Variants in HMG20A observed in about 807,000 individuals in gnomAD.
HMG20A encodes high mobility group protein 20A.
Under a neutral mutation model 43.9 loss-of-function variants are expected in HMG20A, and 17 were observed. The ratio of observed to expected loss-of-function variants is 0.39; its 90% CI spans 0.27 to 0.58. HMG20A has a LOEUF of 0.58. Ranked by LOEUF, HMG20A falls within the 20% of genes least tolerant of loss-of-function variation. The probability of loss-of-function intolerance (pLI) is 0.59; values close to 1 mark genes in which losing one functional copy is unlikely to be tolerated. For missense variants in HMG20A, 341 were observed against 438.2 expected, an observed-to-expected ratio of 0.78 and a Z score of 1.98; for synonymous variants, 132 against 147.5, an observed-to-expected ratio of 0.89 and a Z score of 0.76.
the HMG20A span, among the ~76,000 whole-genome samples, chr15:77,498,261 G>T: frequency 6.6e-6 from 1 of 152,176 alleles, no homozygotes; most frequent in East Asian, 1.9e-4. Context: ...TTCTCCCTGC[G>T]CTGGATTTTT....
intron 4 of HMG20A, among the ~76,000 whole-genome samples, chr15:77,468,939 T>G (rs1038159093): frequency 2.0e-5 from 3 of 152,166 alleles, no homozygotes; most frequent in African/African-American, 7.2e-5. Context: ...ATAATCTTTC[T>G]TTTTCTTTTA....
At chr15:77,463,394 G>A (rs1383318095) in intron 2 of HMG20A, among the ~76,000 whole-genome samples, 1 of 152,064 alleles carries the variant, frequency 6.6e-6, no homozygotes, top group African/African-American at 2.4e-5. Flanking sequence ...TATGGGTTGT[G>A]CATTCTTTCA....
chr15:77,437,547 C>T (rs2073562391), intron 1 of HMG20A, among the ~76,000 whole-genome samples: 1 of 152,084 alleles, frequency 6.6e-6, no homozygotes, highest in South Asian at 2.1e-4. Flanking sequence ...GAGGAATACA[C>T]CTACCCACAT....
intron 1 of HMG20A, among the ~76,000 whole-genome samples, chr15:77,443,917 C>G (rs1184485394): frequency 6.6e-6 from 1 of 151,986 alleles, no homozygotes; most frequent in African/African-American, 2.4e-5. Context: ...CGCCATGTTG[C>G]CCCGGCTGGT....
At chr15:77,421,508 G>T (rs1318222526) in intron 1 of HMG20A, among the ~76,000 whole-genome samples, 1 of 152,212 alleles carries the variant, frequency 6.6e-6, no homozygotes, top group Non-Finnish European at 1.5e-5. Context: ...TGTGACTGAT[G>T]AATTGCCAAC....
chr15:77,429,261 A>G (rs900310416), intron 1 of HMG20A, among the ~76,000 whole-genome samples: 3 of 151,956 alleles, frequency 2.0e-5, no homozygotes, highest in Non-Finnish European at 4.4e-5. Context: ...TCTGTCTCCC[A>G]GGCTGGAGTG....
chr15:77,461,730 G>T (rs1225424916), intron 2 of HMG20A, among the ~76,000 whole-genome samples: 1 of 152,072 alleles, frequency 6.6e-6, no homozygotes, highest in Admixed American at 6.6e-5. Context: ...TGAAGTCAGG[G>T]ATTCATAGGA....
intron 4 of HMG20A, among the ~76,000 whole-genome samples, chr15:77,467,894 A>T (rs2072771154): frequency 6.6e-6 from 1 of 152,238 alleles, no homozygotes; most frequent in Non-Finnish European, 1.5e-5. Flanking sequence ...GAGCTGGTTG[A>T]AGTACCACTA....
At chr15:77,490,572 C>G (rs896465076), downstream of HMG20A, among the ~76,000 whole-genome samples, 1 of 152,132 alleles carries the variant, frequency 6.6e-6, no homozygotes. Context: ...CGTGTAATCC[C>G]AGTACTTTGG....
At chr15:77,462,301 G>A (rs1171774010) in intron 2 of HMG20A, among the ~76,000 whole-genome samples, 3 of 151,978 alleles carry the variant, frequency 2.0e-5, no homozygotes, top group South Asian at 2.1e-4. Context: ...CTCTGCAATC[G>A]TCTTCTCTCC....
At chr15:77,505,195 C>G in the HMG20A span, among the ~76,000 whole-genome samples, 1 of 152,238 alleles carries the variant, frequency 6.6e-6, no homozygotes, top group Non-Finnish European at 1.5e-5. Flanking sequence ...CTCCAGATGG[C>G]TGCACGTCCT....
chr15:77,435,370 G>A (rs982552003), intron 1 of HMG20A, among the ~76,000 whole-genome samples: 22 of 152,094 alleles, frequency 1.4e-4, no homozygotes, highest in African/African-American at 5.3e-4. Flanking sequence ...TGCAGCCTCC[G>A]CCTACTGGGC....
chr15:77,495,544 A>T, the HMG20A span, among the ~76,000 whole-genome samples: 9 of 152,164 alleles, frequency 5.9e-5, no homozygotes, highest in Admixed American at 5.9e-4. Context: ...GCAAGACTCC[A>T]TCTCAAAAAA....
chr15:77,494,192 T>G, the HMG20A span, among the ~76,000 whole-genome samples: 1 of 152,130 alleles, frequency 6.6e-6, no homozygotes, highest in Non-Finnish European at 1.5e-5. Flanking sequence ...TGCAGTGGTG[T>G]GATCATAGCT....
chr15:77,506,651 C>A, the HMG20A span, among the ~76,000 whole-genome samples: 1 of 152,226 alleles, frequency 6.6e-6, no homozygotes, highest in South Asian at 2.1e-4. Context: ...AGACAGAGCT[C>A]CGCCTCTGAG....
At chr15:77,452,641 A>G (rs375948055) in intron 1 of HMG20A, among the ~76,000 whole-genome samples, 1 of 152,258 alleles carries the variant, frequency 6.6e-6, no homozygotes, top group African/African-American at 2.4e-5. Flanking sequence ...AGCTAAAATT[A>G]TAAAGCTCTT....
At chr15:77,436,787 T>C (rs1272704758) in intron 1 of HMG20A, among the ~76,000 whole-genome samples, 1 of 152,196 alleles carries the variant, frequency 6.6e-6, no homozygotes, top group Non-Finnish European at 1.5e-5. Flanking sequence ...ATCTATTCTT[T>C]ACACAGAAGT....
At chr15:77,451,037 A>T (rs1461115007) in intron 1 of HMG20A, among the ~76,000 whole-genome samples, 1 of 152,104 alleles carries the variant, frequency 6.6e-6, no homozygotes, top group African/African-American at 2.4e-5. Context: ...TTTCAGATTG[A>T]CTTCTTTCAC....
chr15:77,458,601 C>A, intron 2 of HMG20A, 105 bp downstream of exon 2: 1 of 672,460 alleles, frequency 1.5e-6, no homozygotes, highest in South Asian at 2.0e-5. Context: ...TAAGAATAGA[C>A]GGTGCACTTG....
Sources: gnomAD v4.1 joint callset for allele counts (sites outside exome capture counted in the v4.1 genomes callset) on GRCh38, gnomAD v4.1.1 for gene constraint, MANE v1.5 for transcripts, NCBI Gene and HGNC (gene_info 2026-07-23, HGNC 2026-07-21) for gene names.